The following PPEF1 variants were observed in gnomAD, a reference collection of about 807,000 sequenced individuals.
PPEF1 encodes the protein protein phosphatase with EF-hand domain 1.
Under a neutral mutation model 53.3 loss-of-function variants are expected in PPEF1, and 12 were observed. That is an observed-to-expected ratio of 0.23 (90% CI 0.14 to 0.36). The LOEUF (loss-of-function observed/expected upper bound fraction) is 0.36. PPEF1 is among the 10% of genes least tolerant of loss of function. PPEF1 has a pLI of 1.00. For synonymous variants in PPEF1, 165 were observed against 176.7 expected (o/e 0.93, Z 0.52); for missense variants, 334 against 490.4 (o/e 0.68, Z 3.01).
intron 4 of PPEF1, among the ~76,000 whole-genome samples, chrX:18,693,329 C>A (rs1167071436): frequency 8.9e-6 from 1 of 111,833 alleles, no homozygotes; most frequent in African/African-American, 3.2e-5. Context: ...CTACCTCCCC[C>A]AGGTTAATGC....
chrX:18,709,794 G>A (rs1401633579), intron 1 of PPEF1, among the ~76,000 whole-genome samples: 2 of 111,848 alleles, frequency 1.8e-5, no homozygotes, highest in Admixed American at 1.9e-4. Context: ...CACTGTGCCC[G>A]ACCTGTTTCA....
At position 18,783,901 on chromosome X, in the gene PPEF1, A is replaced by G; in HGVS notation, c.765A>G (p.Leu255=). The change falls in exon 9 of 16, where the codon CTA becomes CTG. Residue 255 remains leucine (L), a splice_region_variant and synonymous_variant. Transcript: ENST00000470157. ...CTTACTCAAGCTCTTACTTACAGCTACATGGAAAAAGAATCTTACAAATCT... is the reference window on the plus strand; with the variant it reads ...CTTACTCAAGCTCTTACTTACAGCTGCATGGAAAAAGAATCTTACAAATCT... ...FTKEILHKYK[L]HGKRILQILE... 1.7e-6 allele frequency: 2 copies of G among 1,207,257 alleles called. No homozygotes were observed. The highest frequency in any genetic ancestry group is 2.2e-6 in the Non-Finnish European group (2 of 893,713).
intron 10 of PPEF1, among the ~76,000 whole-genome samples, chrX:18,791,883 T>C: frequency 8.9e-6 from 1 of 112,410 alleles, no homozygotes; most frequent in Non-Finnish European, 1.9e-5. Flanking sequence ...TGAGTGTTTT[T>C]ATTGTGAAAG....
intron 3 of PPEF1, among the ~76,000 whole-genome samples, chrX:18,734,975 G>T (rs1456387049): frequency 8.9e-6 from 1 of 111,985 alleles, no homozygotes; most frequent in African/African-American, 3.2e-5. Context: ...TGATGAGGTT[G>T]TTTGATTTTT....
At chrX:18,697,202 GA>G (rs1288439071) in intron 4 of PPEF1, among the ~76,000 whole-genome samples, 1 of 111,711 alleles carries the variant, frequency 9.0e-6, no homozygotes, top group African/African-American at 3.3e-5. Context: ...ATAAACATTT[GA>G]GAGCAAGTTT....
chrX:18,705,557 G>T (rs191520718), upstream of PPEF1, among the ~76,000 whole-genome samples: 177 of 111,081 alleles, frequency 1.6e-3, 2 homozygotes, highest in African/African-American at 5.2e-3. Context: ...CTACAAAAAA[G>T]TACAAAAATT....
At chrX:18,725,893 T>C (rs1361341084) in intron 1 of PPEF1, among the ~76,000 whole-genome samples, 6 of 110,688 alleles carry the variant, frequency 5.4e-5, no homozygotes, top group Non-Finnish European at 1.1e-4. Flanking sequence ...AGTGAACGTA[T>C]TGTGTGCTAT....
chrX:18,818,249 C>T (rs1345314539), intron 13 of PPEF1, 104 bp downstream of exon 13: 25 of 453,856 alleles, frequency 5.5e-5, no homozygotes, highest in Non-Finnish European at 7.9e-5. Flanking sequence ...TCCATTTTTA[C>T]TAAGAAGGAA....
intron 7 of PPEF1, among the ~76,000 whole-genome samples, chrX:18,781,504 G>A (rs1368907495): frequency 9.0e-6 from 1 of 111,565 alleles, no homozygotes; most frequent in Non-Finnish European, 1.9e-5. Context: ...GGAAAGAAAA[G>A]TTTTCTAGAA....
intron 2 of PPEF1, among the ~76,000 whole-genome samples, chrX:18,685,547 C>T (rs759281202): frequency 2.7e-5 from 3 of 109,924 alleles, no homozygotes; most frequent in East Asian, 2.9e-4. Context: ...TAGCCGGCCG[C>T]GGTGGCGGGT....
intron 1 of PPEF1, among the ~76,000 whole-genome samples, chrX:18,684,202 A>G (rs1475025695): frequency 8.9e-6 from 1 of 111,788 alleles, no homozygotes; most frequent in African/African-American, 3.3e-5. Context: ...AAAAAAGTAT[A>G]TGACATGGCC....
upstream of PPEF1, among the ~76,000 whole-genome samples, chrX:18,706,217 G>GAA (rs761694284): frequency 1.8e-5 from 1 of 54,394 alleles, no homozygotes; most frequent in African/African-American, 7.1e-5. Flanking sequence ...GACCCTGTCT[G>GAA]AAAAAAAAAA....
intron 10 of PPEF1, among the ~76,000 whole-genome samples, chrX:18,799,283 G>A (rs113298005): frequency 0.014 from 1,485 of 107,147 alleles, 34 homozygotes; most frequent in African/African-American, 0.049. Flanking sequence ...GCACGTACCC[G>A]TAATCTCAGC....
intron 1 of PPEF1, among the ~76,000 whole-genome samples, chrX:18,728,390 A>G (rs1287976608): frequency 9.0e-6 from 1 of 110,793 alleles, no homozygotes; most frequent in Non-Finnish European, 1.9e-5. Flanking sequence ...ATGAGCGCCA[A>G]GTGAAAGGGG....
chrX:18,801,983 C>CAA (rs1208583667), intron 10 of PPEF1, among the ~76,000 whole-genome samples: 6 of 50,534 alleles, frequency 1.2e-4, no homozygotes, highest in African/African-American at 3.9e-4. Flanking sequence ...GACTCCATCA[C>CAA]AAAAAAAAAA....
chrX:18,756,389 A>C (rs762610192), intron 4 of PPEF1, among the ~76,000 whole-genome samples: 8 of 111,049 alleles, frequency 7.2e-5, no homozygotes, highest in Non-Finnish European at 1.5e-4. Flanking sequence ...CATGTTAGCC[A>C]GGCTGGTCTC....
At chrX:18,781,979 T>G (rs2046096703) in intron 7 of PPEF1, among the ~76,000 whole-genome samples, 2 of 111,606 alleles carry the variant, frequency 1.8e-5, no homozygotes, top group Admixed American at 9.5e-5. Flanking sequence ...CTGTATAGGA[T>G]GTCTGAGAAA....
At position 18,799,701 on chromosome X, in the gene PPEF1, A is replaced by G. The variant is rs1273164366; in HGVS notation, c.1066-4191A>G. 3.6e-5 allele frequency among the ~76,000 whole-genome samples: 4 copies of G among 111,810 alleles called. No homozygotes were observed. In the East Asian group the frequency reaches 1.1e-3, roughly 32 times the overall value. On this transcript the variant is annotated intron_variant, in intron 10 of 15. Transcript: ENST00000470157. Reference sequence around the variant, plus strand: ...TAGATTTTTGTTGACCAGGTCATATAAAAGCTGTAATTCAGTAAAACGTTC... The same window carrying G: ...TAGATTTTTGTTGACCAGGTCATATGAAAGCTGTAATTCAGTAAAACGTTC...
chrX:18,736,935 C>G (rs1158434992), intron 3 of PPEF1, among the ~76,000 whole-genome samples: 3 of 112,102 alleles, frequency 2.7e-5, no homozygotes, highest in Non-Finnish European at 5.6e-5. Flanking sequence ...TTATAGTATT[C>G]TCTGATGGTA....
Sources: gnomAD v4.1 joint callset for allele counts (sites outside exome capture counted in the v4.1 genomes callset) on GRCh38, gnomAD v4.1.1 for gene constraint, MANE v1.5 for transcripts, NCBI Gene and HGNC (gene_info 2026-07-23, HGNC 2026-07-21) for gene names.